Variants in PDGFC observed in about 807,000 individuals in gnomAD.
The protein encoded by PDGFC is platelet derived growth factor C.
Under a neutral mutation model 35.5 loss-of-function variants are expected in PDGFC, and 12 were observed. That is an observed-to-expected ratio of 0.34 (90% CI 0.22 to 0.55). The LOEUF (loss-of-function observed/expected upper bound fraction) is 0.55. PDGFC is among the 20% of genes least tolerant of loss of function. The pLI is 0.91. For synonymous variants in PDGFC, 159 were observed against 148.8 expected, an observed-to-expected ratio of 1.07 and a Z score of -0.50; for missense variants, 322 against 412.4, an observed-to-expected ratio of 0.78 and a Z score of 1.90.
intron 2 of PDGFC, among the ~76,000 whole-genome samples, chr4:156,837,359 C>T (rs1220681608): frequency 6.6e-6 from 1 of 151,762 alleles, no homozygotes; most frequent in Non-Finnish European, 1.5e-5. Flanking sequence ...AGCCTGGTGA[C>T]AGAGTGAGAC....
Position 156,761,609 on chromosome 4 carries a change from C to T in PDGFC, c.*1481G>A, listed in dbSNP as rs1730376929. 1 of 152,518 alleles carries T rather than the reference C, an allele frequency of 6.6e-6. No homozygotes were observed. Among genetic ancestry groups the T allele is most frequent in the Admixed American group, 6.5e-5 (1 of 15,274 alleles). The allele number at this position is 152,518 out of a possible 1,614,324, so 9.4% of individuals were successfully genotyped here. A position where few individuals can be genotyped will look rare whatever the true frequency, so the allele number is the denominator to read the frequency against. ...GAAATAAATCTTGAGCACACACACA[C>T]ATAATTTTCTCCCCAAAATAGCCAC... is the stretch of plus-strand genomic sequence containing the variant. On this transcript the variant is annotated 3_prime_UTR_variant, in exon 6 of 6. Transcript: ENST00000502773.
intron 2 of PDGFC, among the ~76,000 whole-genome samples, chr4:156,823,381 G>A (rs1732324238): frequency 6.6e-6 from 1 of 152,144 alleles, no homozygotes; most frequent in Non-Finnish European, 1.5e-5. Context: ...TTAAACAGAG[G>A]GAGAATGTAT....
At chr4:156,866,515 G>T (rs1213727658) in intron 1 of PDGFC, among the ~76,000 whole-genome samples, 1 of 151,990 alleles carries the variant, frequency 6.6e-6, no homozygotes, top group Non-Finnish European at 1.5e-5. Context: ...ACCATGTGCA[G>T]TGGGTGGGGG....
chr4:156,858,712 A>T (rs1228295270), intron 1 of PDGFC, among the ~76,000 whole-genome samples: 1 of 152,154 alleles, frequency 6.6e-6, no homozygotes, highest in African/African-American at 2.4e-5. Context: ...TATTTGAAGC[A>T]GAATAATACA....
At chr4:156,835,634 T>C (rs540472733) in intron 2 of PDGFC, among the ~76,000 whole-genome samples, 9 of 152,286 alleles carry the variant, frequency 5.9e-5, no homozygotes, top group African/African-American at 1.9e-4. Flanking sequence ...CCCAATCCCA[T>C]TATATTTTAA....
intron 5 of PDGFC, 73 bp from the exon 6 acceptor site, chr4:156,763,279 C>A (rs968101661): frequency 4.1e-6 from 3 of 725,130 alleles, no homozygotes; most frequent in Non-Finnish European, 7.5e-6. Context: ...AAACAAGTAA[C>A]GTTTTAGAAA....
At chr4:156,807,354 G>T in intron 3 of PDGFC, among the ~76,000 whole-genome samples, 1 of 151,762 alleles carries the variant, frequency 6.6e-6, no homozygotes, top group East Asian at 1.9e-4. Context: ...AATGGAGAGA[G>T]AAATTTTAAT....
At chr4:156,954,303 C>A (rs1732152742) in intron 1 of PDGFC, among the ~76,000 whole-genome samples, 1 of 151,820 alleles carries the variant, frequency 6.6e-6, no homozygotes. Context: ...AACTTTATTT[C>A]CAAGGGAAAA....
At chr4:156,946,871 A>G (rs1376617180) in intron 1 of PDGFC, among the ~76,000 whole-genome samples, 1 of 152,022 alleles carries the variant, frequency 6.6e-6, no homozygotes, top group Admixed American at 6.6e-5. Context: ...TTCCAGACCA[A>G]AAGCAGTAAG....
intron 2 of PDGFC, among the ~76,000 whole-genome samples, chr4:156,824,232 T>G (rs182908650): frequency 2.7e-3 from 399 of 147,810 alleles, no homozygotes; most frequent in Non-Finnish European, 3.5e-3. Flanking sequence ...TTTTTGCCCT[T>G]CTTATCTGTG....
At chr4:156,840,090 G>A (rs1006643997) in intron 2 of PDGFC, among the ~76,000 whole-genome samples, 1 of 152,222 alleles carries the variant, frequency 6.6e-6, no homozygotes. Context: ...ATTCAAGCCA[G>A]CTACAGCAAT....
intron 3 of PDGFC, among the ~76,000 whole-genome samples, chr4:156,798,501 T>A (rs1431554027): frequency 6.6e-6 from 1 of 152,162 alleles, no homozygotes; most frequent in African/African-American, 2.4e-5. Flanking sequence ...CCCCTGACTT[T>A]AACACAAAAC....
chr4:156,918,316 A>G (rs1234229921), intron 1 of PDGFC, among the ~76,000 whole-genome samples: 3 of 152,224 alleles, frequency 2.0e-5, no homozygotes, highest in Non-Finnish European at 4.4e-5. Context: ...GATTTACTGT[A>G]AGAAGTCAAT....
chr4:156,848,190 T>A (rs754311717), intron 2 of PDGFC, among the ~76,000 whole-genome samples: 1 of 151,822 alleles, frequency 6.6e-6, no homozygotes, highest in Non-Finnish European at 1.5e-5. Flanking sequence ...TTATTAGTAA[T>A]CAGAAAAACA....
At chr4:156,870,666 A>G (rs1022282688) in intron 1 of PDGFC, among the ~76,000 whole-genome samples, 8 of 149,004 alleles carry the variant, frequency 5.4e-5, no homozygotes, top group African/African-American at 1.9e-4. Flanking sequence ...ATACAGGATG[A>G]GTGCTTCAAA....
At chr4:156,876,513 G>C (rs1730119863) in intron 1 of PDGFC, 1 of 152,116 alleles carries the variant, frequency 6.6e-6, no homozygotes, top group Non-Finnish European at 1.5e-5. Flanking sequence ...TGACAGATGA[G>C]AAAATTAAGT....
chr4:156,792,605 T>C (rs1362503369), intron 3 of PDGFC, among the ~76,000 whole-genome samples: 1 of 152,054 alleles, frequency 6.6e-6, no homozygotes, highest in East Asian at 1.9e-4. Context: ...AGAAATGCCA[T>C]TATCTTCAGG....
intron 4 of PDGFC, among the ~76,000 whole-genome samples, chr4:156,768,580 A>G (rs79844161): frequency 6.6e-6 from 1 of 152,186 alleles, no homozygotes; most frequent in East Asian, 1.9e-4. Flanking sequence ...GACATACTTT[A>G]TAAGAGCAGA....
chr4:156,886,486 G>C (rs970446506), intron 1 of PDGFC, among the ~76,000 whole-genome samples: 1 of 152,200 alleles, frequency 6.6e-6, no homozygotes, highest in Non-Finnish European at 1.5e-5. Context: ...CTATTTGGCA[G>C]ACATACTTTT....
Sources: allele counts gnomAD v4.1 joint callset (sites outside exome capture counted in the v4.1 genomes callset), GRCh38; gene constraint gnomAD v4.1.1; transcripts MANE v1.5; gene names NCBI Gene and HGNC (gene_info 2026-07-23, HGNC 2026-07-21).